Variants in ATCAY observed in about 807,000 individuals in gnomAD.
The protein encoded by ATCAY is ATCAY kinesin light chain interacting caytaxin.
ATCAY carries 22 observed loss-of-function variants against 47.7 expected under a neutral mutation model. The ratio of observed to expected loss-of-function variants is 0.46; its 90% CI spans 0.33 to 0.66. The LOEUF (loss-of-function observed/expected upper bound fraction) is 0.66, where lower values mean the gene tolerates loss of function less well. Ranked by LOEUF, ATCAY falls within the 30% of genes least tolerant of loss-of-function variation. ATCAY has a pLI of 0.02. For missense variants in ATCAY, 452 were observed against 515.0 expected, an observed-to-expected ratio of 0.88 and a Z score of 1.18; for synonymous variants, 216 against 207.6, an observed-to-expected ratio of 1.04 and a Z score of -0.35.
rs548658518 is a variant in ATCAY at position 3,898,182 on chromosome 19, TTTTTC to T, written c.78-4293_78-4289del. ...TTACGTGTTCTAAACATCTCTTTTT[TTTTTC>T]TTTTCTTTTCTGTTTTGAGCAGGGT... On this transcript the variant is annotated intron_variant, in intron 2 of 12. Transcript: ENST00000450849. 5.3e-5 allele frequency among the ~76,000 whole-genome samples: 8 copies of T among 152,160 alleles called. 1 individual carries two copies. In the South Asian group the frequency reaches 1.7e-3, roughly 32 times the overall value.
At chr19:3,898,932 G>C (rs10420187) in intron 2 of ATCAY, among the ~76,000 whole-genome samples, 2 of 152,110 alleles carry the variant, frequency 1.3e-5, no homozygotes, top group Non-Finnish European at 2.9e-5. Flanking sequence ...TGCCCTCCTC[G>C]GCCTCCCAAA....
At chr19:3,900,600 G>A (rs1196817857) in intron 2 of ATCAY, among the ~76,000 whole-genome samples, 2 of 151,652 alleles carry the variant, frequency 1.3e-5, no homozygotes, top group East Asian at 2.0e-4. Flanking sequence ...GCAGTGGCAC[G>A]ATCTCGGCTC....
At chr19:3,919,920 C>T (rs2039001584) in intron 11 of ATCAY, among the ~76,000 whole-genome samples, 1 of 152,178 alleles carries the variant, frequency 6.6e-6, no homozygotes, top group African/African-American at 2.4e-5. Flanking sequence ...TAGTGAAGGG[C>T]CTTGGCCAAT....
intron 1 of ATCAY, among the ~76,000 whole-genome samples, chr19:3,883,805 C>A (rs1015909729): frequency 1.3e-5 from 2 of 152,164 alleles, no homozygotes; most frequent in Non-Finnish European, 2.9e-5. Context: ...TCTTAGAGGT[C>A]ATCTCTAATT....
At position 3,904,010 on chromosome 19, in the gene ATCAY, G is replaced by A. The variant is rs143172053; in HGVS notation, c.137-1424G>A. ...AAAAAAAAAAAAAAAAAAATTAGCCGGGCATTGTGGCACTTGCCTGTAATC... is the reference window on the plus strand; with the variant it reads ...AAAAAAAAAAAAAAAAAAATTAGCCAGGCATTGTGGCACTTGCCTGTAATC... On this transcript the variant is annotated intron_variant, in intron 3 of 12. Transcript: ENST00000450849. Among the ~76,000 whole-genome samples the A allele has an allele frequency of 4.0e-5, 6 of 150,582 alleles. No individual in the cohort carries two copies. In the East Asian group the frequency reaches 7.8e-4, roughly 20 times the overall value.
At chr19:3,889,113 C>T (rs2038690937) in intron 2 of ATCAY, among the ~76,000 whole-genome samples, 1 of 151,910 alleles carries the variant, frequency 6.6e-6, no homozygotes, top group Non-Finnish European at 1.5e-5. Context: ...CTTAAAAAAA[C>T]AAAAAACAAA....
intron 2 of ATCAY, among the ~76,000 whole-genome samples, chr19:3,892,180 A>G (rs2145227204): frequency 6.7e-6 from 1 of 149,528 alleles, no homozygotes; most frequent in African/African-American, 2.5e-5. Context: ...GTGAGCCACC[A>G]TGCCCAGCTG....
chr19:3,882,956 AT>A lies in ATCAY; in HGVS notation c.-42+1958del, dbSNP rs113348359. Among the ~76,000 whole-genome samples, 627 of 143,406 alleles carry A rather than the reference AT, an allele frequency of 4.4e-3. 5 individuals carry two copies. The highest frequency in any genetic ancestry group is 0.015 in the African/African-American group (584 of 39,310). The allele number at this position is 143,406 out of a possible 152,430, so 94.1% of individuals were successfully genotyped here. A position where few individuals can be genotyped will look rare whatever the true frequency, so the allele number is the denominator to read the frequency against. On this transcript the variant is annotated intron_variant, in intron 1 of 12. Transcript: ENST00000450849. Reference sequence around the variant, plus strand: ...ACCATTGTGCTTGGTTAGTTTTTGTATTTTTTTTTTGAGAGATGGGGTCTTG... The same window carrying A: ...ACCATTGTGCTTGGTTAGTTTTTGTATTTTTTTTTGAGAGATGGGGTCTTG...
intron 12 of ATCAY, among the ~76,000 whole-genome samples, chr19:3,921,285 C>A (rs1014323610): frequency 2.0e-5 from 3 of 148,868 alleles, no homozygotes; most frequent in East Asian, 2.0e-4. Context: ...CCGAGGCAGG[C>A]GGATCATTTG....
chr19:3,890,625 G>A (rs1290168106), intron 2 of ATCAY, among the ~76,000 whole-genome samples: 3 of 152,264 alleles, frequency 2.0e-5, no homozygotes, highest in East Asian at 1.9e-4. Context: ...AACCAAGGCC[G>A]AGCGCACCTG....
intron 5 of ATCAY, 28 bp from the exon 6 acceptor site, chr19:3,908,240 A>G: frequency 6.5e-7 from 1 of 1,543,548 alleles, no homozygotes; most frequent in Non-Finnish European, 8.8e-7. Flanking sequence ...GAGGACTCTG[A>G]CGTTGCCGAT....
At chr19:3,885,875 T>C in intron 2 of ATCAY, 31 bp downstream of exon 2, 1 of 1,547,840 alleles carries the variant, frequency 6.5e-7, no homozygotes, top group South Asian at 1.2e-5. Flanking sequence ...AGTCAACCGT[T>C]GGGGGAGCAG....
chr19:3,899,308 C>CTTTT lies in ATCAY; in HGVS notation c.78-3159_78-3156dup, dbSNP rs146410703. 6.8e-3 allele frequency among the ~76,000 whole-genome samples: 728 copies of CTTTT among 106,908 alleles called. 19 individuals are homozygous for CTTTT. Among genetic ancestry groups the CTTTT allele is most frequent in the South Asian group, 0.014 (44 of 3,134 alleles). 70.1% of individuals were successfully genotyped at this position (106,908 alleles called of 152,430 possible). A position where few individuals can be genotyped will look rare whatever the true frequency, so the allele number is the denominator to read the frequency against. On this transcript the variant is annotated intron_variant, in intron 2 of 12. Transcript: ENST00000450849. ...GTGGAACAGAAATGAGGGAATAAAT[C>CTTTT]TTTTTTTTTTTTTTTTTTTTTTTGA... is the stretch of plus-strand genomic sequence containing the variant.
At chr19:3,890,687 G>A (rs935661706) in intron 2 of ATCAY, among the ~76,000 whole-genome samples, 7 of 152,204 alleles carry the variant, frequency 4.6e-5, no homozygotes, top group Non-Finnish European at 7.3e-5. Context: ...GCGGGAGCGG[G>A]AGGAGGGTGT....
At chr19:3,882,095 C>T (rs2038607184) in intron 1 of ATCAY, among the ~76,000 whole-genome samples, 1 of 152,086 alleles carries the variant, frequency 6.6e-6, no homozygotes, top group South Asian at 2.1e-4. Flanking sequence ...CCCCTGTCCC[C>T]GATGCAAACC....
intron 2 of ATCAY, among the ~76,000 whole-genome samples, chr19:3,899,478 TA>T (rs907257547): frequency 1.3e-5 from 2 of 151,650 alleles, no homozygotes; most frequent in African/African-American, 4.8e-5. Context: ...CACGCCCAGA[TA>T]ATTTTTGTAT....
At position 3,910,869 on chromosome 19, in the gene ATCAY, C is replaced by G; in HGVS notation, c.846C>G (p.Ala282=). Residue 282 remains alanine (A), a synonymous_variant, in exon 8 of 13, where the codon GCC becomes GCG. Transcript: ENST00000450849. ...CGTGGTTCATTCGGACTGTGCTGGC[C>G]ATCTCTCGCCCTTTCATCAGGTGAG... ...HPSWFIRTVL[A]ISRPFISVKF... The G allele has an allele frequency of 6.2e-7, 1 of 1,613,996 alleles. No individual in the cohort carries two copies. The highest frequency in any genetic ancestry group is 8.5e-7 in the Non-Finnish European group (1 of 1,179,902).
intron 2 of ATCAY, among the ~76,000 whole-genome samples, chr19:3,899,609 C>T (rs1395116226): frequency 6.6e-6 from 1 of 152,126 alleles, no homozygotes. Context: ...GCCACCACGC[C>T]CGGCCAATAA....
intron 6 of ATCAY, among the ~76,000 whole-genome samples, chr19:3,908,746 CT>C (rs1250324785): frequency 8.7e-6 from 1 of 115,348 alleles, no homozygotes; most frequent in Non-Finnish European, 1.9e-5. Flanking sequence ...CCTCCTCCCC[CT>C]CTTCCCCTTC....
Sources: allele counts gnomAD v4.1 joint callset (sites outside exome capture counted in the v4.1 genomes callset), GRCh38; gene constraint gnomAD v4.1.1; transcripts MANE v1.5; gene names NCBI Gene and HGNC (gene_info 2026-07-23, HGNC 2026-07-21).